Variants in CLCA2 observed in about 807,000 individuals in gnomAD.
CLCA2 encodes the protein calcium-activated chloride channel regulator 2.
In CLCA2, 85 loss-of-function variants were observed where a neutral mutation model predicts 82.9. The ratio of observed to expected loss-of-function variants is 1.03; its 90% CI spans 0.86 to 1.23. The LOEUF is 1.23. Ranked by LOEUF, CLCA2 falls within the 50% of genes most tolerant of loss-of-function variation. CLCA2 has a pLI of 0.00. For synonymous variants in CLCA2, 421 were observed against 391.7 expected, an observed-to-expected ratio of 1.07 and a Z score of -0.88; for missense variants, 1,089 against 1,124.8, an observed-to-expected ratio of 0.97 and a Z score of 0.45.
intron 12 of CLCA2, among the ~76,000 whole-genome samples, chr1:86,451,361 A>G (rs1662960370): frequency 6.6e-6 from 1 of 152,190 alleles, no homozygotes; most frequent in Non-Finnish European, 1.5e-5. Flanking sequence ...CTCAAAAAAG[A>G]CTTCTAAGCA....
At chr1:86,439,227 A>G (rs1662675694) in intron 7 of CLCA2, 121 bp downstream of exon 7, 2 of 794,980 alleles carry the variant, frequency 2.5e-6, no homozygotes, top group Non-Finnish European at 4.1e-6. Context: ...CTCAACTATG[A>G]AAGTAATGAT....
intron 5 of CLCA2, among the ~76,000 whole-genome samples, chr1:86,433,132 T>C (rs76548285): frequency 0.031 from 4,709 of 152,318 alleles, 104 homozygotes; most frequent in Non-Finnish European, 0.049. Flanking sequence ...GGCCAACTTA[T>C]TTTCTCTCTG....
chr1:86,446,056 C>T (rs753317009), intron 10 of CLCA2, among the ~76,000 whole-genome samples: 5 of 152,080 alleles, frequency 3.3e-5, no homozygotes, highest in Non-Finnish European at 5.9e-5. Flanking sequence ...TCCCCCTGCT[C>T]CCAACTGCAG....
In CLCA2 at chr1:86,447,627, G is replaced by A. The variant is rs1201639657; in HGVS notation, c.1833G>A (p.Val611=). The change falls in exon 11 of 14, where the codon GTG becomes GTA. Residue 611 remains valine, a synonymous_variant. Coordinates refer to ENST00000370565, the MANE Select transcript of CLCA2 (RefSeq NM_006536.7). ...CCCCAGCCACTGTGGAAGCCTTTGT[G>A]GAAAGAGACAGCCTCCATTTTCCTC... ...AVPPATVEAF[V]ERDSLHFPHP... 1 of 1,613,936 alleles carries A rather than the reference G, an allele frequency of 6.2e-7. No individual in the cohort carries two copies. Among genetic ancestry groups the A allele is most frequent in the African/African-American group, 1.3e-5 (1 of 74,890 alleles).
At chr1:86,424,534 C>G in intron 1 of CLCA2, 101 bp downstream of exon 1, 1 of 932,368 alleles carries the variant, frequency 1.1e-6, no homozygotes, top group Non-Finnish European at 1.5e-6. Context: ...TTGAGTAATA[C>G]AGAGAACAGC....
At chr1:86,452,320 C>T (rs1215668549) in intron 12 of CLCA2, among the ~76,000 whole-genome samples, 1 of 151,756 alleles carries the variant, frequency 6.6e-6, no homozygotes, top group Non-Finnish European at 1.5e-5. Flanking sequence ...TCCACACCAT[C>T]TCCCATCCCA....
chr1:86,447,927 GATATACTGA>G (rs1662889070), intron 11 of CLCA2, 149 bp downstream of exon 11: 4 of 797,002 alleles, frequency 5.0e-6, no homozygotes, highest in Non-Finnish European at 7.8e-6. Flanking sequence ...TAGAGTCACT[GATATACTGA>G]ATAGCTACAG....
chr1:86,433,484 TTA>T (rs1251426383), intron 5 of CLCA2, among the ~76,000 whole-genome samples: 1 of 152,204 alleles, frequency 6.6e-6, no homozygotes, highest in Admixed American at 6.5e-5. Flanking sequence ...GTCCCATACA[TTA>T]TGTTTCTTAT....
intron 10 of CLCA2, 32 bp downstream of exon 10, chr1:86,444,043 C>A: frequency 7.2e-7 from 1 of 1,383,808 alleles, no homozygotes; most frequent in African/African-American, 1.4e-5. Flanking sequence ...CTAAGGACAA[C>A]GTTCAACCAA....
At chr1:86,454,444 A>G (rs1663031795) in intron 13 of CLCA2, among the ~76,000 whole-genome samples, 1 of 152,170 alleles carries the variant, frequency 6.6e-6, no homozygotes, top group South Asian at 2.1e-4. Flanking sequence ...TAATTTCCAT[A>G]TGAATTTACA....
At position 86,424,272 on chromosome 1, in the gene CLCA2, C is replaced by T. The variant is rs965958859; in HGVS notation, c.25C>T (p.Pro9Ser). Residue 9 changes from proline (P) to serine (S), a missense_variant, in exon 1 of 14, where the codon CCT becomes TCT. By Grantham distance (74) the Pro-to-Ser change is moderately conservative (BLOSUM62 -1). Coordinates refer to ENST00000370565, the MANE Select transcript of CLCA2 (RefSeq NM_006536.7). The stretch of plus-strand genomic sequence containing the variant: ...CATGACCCAAAGGAGCATTGCAGGT[C>T]CTATTTGCAACCTGAAGTTTGTGAC... MTQRSIAG[P>S]ICNLKFVTLL... The T allele has an allele frequency of 6.8e-6, 11 of 1,613,324 alleles. No homozygotes were observed. Among genetic ancestry groups the T allele is most frequent in the Non-Finnish European group, 9.3e-6 (11 of 1,179,754 alleles).
At chr1:86,436,256 C>T (rs1238170763) in intron 6 of CLCA2, among the ~76,000 whole-genome samples, 1 of 152,206 alleles carries the variant, frequency 6.6e-6, no homozygotes, top group Non-Finnish European at 1.5e-5. Context: ...TCAGTGACAT[C>T]ACATTGACAG....
intron 6 of CLCA2, 101 bp downstream of exon 6, chr1:86,434,846 G>C (rs1003067435): frequency 2.1e-6 from 2 of 930,812 alleles, no homozygotes; most frequent in Non-Finnish European, 1.6e-6. Flanking sequence ...TGTGCAGGAC[G>C]TTCAAGTTTG....
intron 6 of CLCA2, 27 bp downstream of exon 6, chr1:86,434,772 A>G: frequency 6.7e-7 from 1 of 1,501,392 alleles, no homozygotes; most frequent in Non-Finnish European, 9.3e-7. Flanking sequence ...AAATGAATGT[A>G]AACATTTATC....
rs755836978 is a variant in CLCA2, at chr1:86,450,566, C to A, written c.1988C>A (p.Ala663Asp). Residue 663 changes from alanine to aspartate, a missense_variant, in exon 12 of 14, where the codon GCT becomes GAT. Physicochemically the swap from Ala to Asp is moderately radical, Grantham distance 126. Coordinates refer to ENST00000370565, the MANE Select transcript of CLCA2 (RefSeq NM_006536.7). Reference sequence around the variant, plus strand: ...ACTGTGTTTTTTATATATACAGGTGCTGATGTTATAAAAAATGATGGAATT... The same window carrying A: ...ACTGTGTTTTTTATATATACAGGTGATGATGTTATAAAAAATGATGGAATT... ...TLRLLDDGAG[A>D]DVIKNDGIYS... 3 of 1,610,052 alleles carry A rather than the reference C, an allele frequency of 1.9e-6. No homozygotes were observed. Among genetic ancestry groups the A allele is most frequent in the Non-Finnish European group, 2.5e-6 (3 of 1,177,668 alleles).
rs148047272 is a variant in CLCA2 at position 86,438,906 on chromosome 1, G to A, written c.1003G>A (p.Ala335Thr). 85 of 1,613,834 alleles carry A rather than the reference G, an allele frequency of 5.3e-5. No individual in the cohort carries two copies. The highest frequency in any genetic ancestry group is 6.1e-5 in the Non-Finnish European group (72 of 1,179,960). ...ADRLLQLQQA[A>T]EFYLMQIVEI... Reference sequence around the variant, plus strand: ...CAGACTCCTTCAACTACAACAAGCCGCAGAATTTTATTTGATGCAGATTGT... The same window carrying A: ...CAGACTCCTTCAACTACAACAAGCCACAGAATTTTATTTGATGCAGATTGT... The change falls in exon 7 of 14, where the codon GCA becomes ACA. Residue 335 changes from alanine to threonine, a missense_variant. Transcript: ENST00000370565.
chr1:86,425,229 G>T, intron 1 of CLCA2, 110 bp from the exon 2 acceptor site: 2 of 693,784 alleles, frequency 2.9e-6, no homozygotes, highest in Non-Finnish European at 4.3e-6. Context: ...AAAGAAATGG[G>T]TCTCTTCAAA....
At chr1:86,431,083 A>G in intron 4 of CLCA2, 113 bp downstream of exon 4, 4 of 675,802 alleles carry the variant, frequency 5.9e-6, no homozygotes, top group South Asian at 2.1e-5. Flanking sequence ...TTGCAGCTAA[A>G]ACTTAGCTGA....
At position 86,453,606 on chromosome 1, in the gene CLCA2, G is replaced by T. The variant is rs1212672172; in HGVS notation, c.2389+4G>T. ...GAAGACTTTGATCAGGGCCAGGGTA[G>T]GTTTGCTCATTTCATTACCTATTTT... On this transcript the variant is annotated splice_donor_region_variant and intron_variant, in intron 13 of 13. Coordinates refer to ENST00000370565, the MANE Select transcript of CLCA2 (RefSeq NM_006536.7). 1 of 1,611,568 alleles carries T rather than the reference G, an allele frequency of 6.2e-7. No homozygotes were observed. The highest frequency in any genetic ancestry group is 1.3e-5 in the African/African-American group (1 of 74,856).
Sources: allele counts gnomAD v4.1 joint callset (sites outside exome capture counted in the v4.1 genomes callset), GRCh38; gene constraint gnomAD v4.1.1; transcripts MANE v1.5; gene names NCBI Gene and HGNC (gene_info 2026-07-23, HGNC 2026-07-21).